The following DST variants were observed in gnomAD, a reference collection of about 807,000 sequenced individuals.
The protein encoded by DST is dystonin, also known as bullous pemphigoid antigen.
Under a neutral mutation model 875.2 loss-of-function variants are expected in DST, and 253 were observed. That is an observed-to-expected ratio of 0.29 (90% confidence interval 0.26 to 0.32). DST has a LOEUF of 0.32. Among genes scored for constraint, DST ranks in the 10% least tolerant of loss-of-function variants. The pLI is 1.00. For synonymous variants in DST, 3,124 were observed against 3,197.1 expected (o/e 0.98, Z 0.77); for missense variants, 8,287 against 9,111.6 (o/e 0.91, Z 3.68).
At position 56,648,618 on chromosome 6, in the gene DST, C is replaced by A; in HGVS notation, c.1506G>T (p.Val502=). The A allele has an allele frequency of 6.3e-7, 1 of 1,590,614 alleles. No individual in the cohort carries two copies. Among genetic ancestry groups the A allele is most frequent in the South Asian group, 1.1e-5 (1 of 87,296 alleles). Residue 502 remains valine (V), a synonymous_variant, in exon 13 of 104, where the codon GTG becomes GTT. Coordinates refer to ENST00000680361, the MANE Select transcript of DST (RefSeq NM_001374736.1). ...GAAATGTTCTCTCAGACATTGTGGT[C>A]ACATGGTGTCTAATCCATTGGATGA... is the stretch of plus-strand genomic sequence containing the variant. ...NYLIQWIRHH[V]TTMSERTFPN...
chr6:56,489,838 T>C (rs754196744), intron 85 of DST, among the ~76,000 whole-genome samples: 7 of 152,192 alleles, frequency 4.6e-5, no homozygotes, highest in African/African-American at 1.4e-4. Flanking sequence ...TTTTAATTCA[T>C]TCAACATATC....
chr6:56,489,751 T>C lies in DST; in HGVS notation c.20758-142A>G, dbSNP rs184319507. The stretch of plus-strand genomic sequence containing the variant: ...AAATTTCCACTGAAGAAGAAAAAAG[T>C]AATGCTTTCATCAGCAAATTACAAA... On this transcript the variant is annotated intron_variant, in intron 85 of 103. Coordinates refer to ENST00000680361, the MANE Select transcript of DST (RefSeq NM_001374736.1). 3.3e-3 allele frequency: 2,618 copies of C among 804,158 alleles called. 6 individuals carry two copies. Among genetic ancestry groups the C allele is most frequent in the Non-Finnish European group, 4.0e-3 (2,247 of 558,890 alleles). The allele number at this position is 804,158 out of a possible 1,614,324, so 49.8% of individuals were successfully genotyped here.
At chr6:56,592,468 C>T (rs1034785839) in intron 48 of DST, 110 bp from the exon 49 acceptor site, 10 of 907,044 alleles carry the variant, frequency 1.1e-5, no homozygotes, top group African/African-American at 1.7e-5. Flanking sequence ...AACCAGACTT[C>T]CACCAAAGTT....
At chr6:56,823,181 A>G (rs1358831477) in intron 4 of DST, among the ~76,000 whole-genome samples, 1 of 152,174 alleles carries the variant, frequency 6.6e-6, no homozygotes, top group African/African-American at 2.4e-5. Context: ...TGAGTTCCCA[A>G]CAAATTTCTA....
At chr6:56,693,097 T>C (rs1227581077) in intron 9 of DST, 2 of 1,289,434 alleles carry the variant, frequency 1.6e-6, no homozygotes, top group South Asian at 2.5e-5. Flanking sequence ...TTTGGCAGGA[T>C]CTACATATTG....
Position 56,704,313 on chromosome 6 carries a change from A to T in DST, c.744T>A (p.Ile248=). Residue 248 remains isoleucine, a synonymous_variant, in exon 6 of 104, where the codon ATT becomes ATA. Transcript: ENST00000680361. ...YEDLRDGHNL[I]SLLEVLSGDT... is the part of the protein sequence containing the mutation. ...CTCCTGAAAGAACCTCTAAAAGAGA[A>T]ATCAAATTGTGTCCATCCCTTAAGT... 6.4e-7 allele frequency: 1 copy of T among 1,572,980 alleles called. No individual in the cohort carries two copies.
rs183224402 is a variant in DST at position 56,819,280 on chromosome 6, G to A, written c.625+32117C>T. Among the ~76,000 whole-genome samples the A allele has an allele frequency of 7.2e-5, 11 of 152,212 alleles. 1 individual carries two copies. Among genetic ancestry groups the A allele is most frequent in the African/African-American group, 2.2e-4 (9 of 41,544 alleles). Reference sequence around the variant, plus strand: ...AAGAGATGGCAAACTGGGAAAAGCCGCAAAGGAAAAACATCAGTCTCTGAA... The same window carrying A: ...AAGAGATGGCAAACTGGGAAAAGCCACAAAGGAAAAACATCAGTCTCTGAA... On this transcript the variant is annotated intron_variant, in intron 4 of 103. Transcript: ENST00000680361.
chr6:56,772,161 A>T (rs1413128636), intron 4 of DST, among the ~76,000 whole-genome samples: 1 of 152,186 alleles, frequency 6.6e-6, no homozygotes, highest in African/African-American at 2.4e-5. Context: ...TAAAATAGGT[A>T]TATTTTTAGG....
rs1449114173 is a variant in DST at position 56,466,071 on chromosome 6, TC to T, written c.22687+6del. 4.4e-6 allele frequency: 7 copies of T among 1,597,854 alleles called. No homozygotes were observed. Among genetic ancestry groups the T allele is most frequent in the African/African-American group, 1.3e-5 (1 of 74,608 alleles). On this transcript the variant is annotated splice_donor_region_variant and intron_variant, in intron 99 of 103. Coordinates refer to ENST00000680361, the MANE Select transcript of DST (RefSeq NM_001374736.1). ...TCATGATGTTATCATGATAAGCATC[TC>T]CTTACCCCTGCAAGGATCATTTTTC...
intron 10 of DST, among the ~76,000 whole-genome samples, chr6:56,656,041 A>G (rs958333282): frequency 6.6e-6 from 1 of 152,236 alleles, no homozygotes; most frequent in East Asian, 1.9e-4. Context: ...GGACTGGGAC[A>G]TATCAGTGTT....
intron 40 of DST, 36 bp downstream of exon 40, chr6:56,603,801 C>A: frequency 6.3e-7 from 1 of 1,587,794 alleles, no homozygotes; most frequent in Non-Finnish European, 8.6e-7. Context: ...ATGGTTCATG[C>A]AGCTTTTTCT....
rs2095180073 is a variant in DST at position 56,476,137 on chromosome 6, T to C, written c.21864+12A>G. The C allele has an allele frequency of 1.3e-6, 2 of 1,589,338 alleles. No homozygotes were observed. The highest frequency in any genetic ancestry group is 1.7e-6 in the Non-Finnish European group (2 of 1,166,020). The stretch of plus-strand genomic sequence containing the variant: ...TAATGGTTAACAGGAGTTAGGATTA[T>C]ATTTATTTTACCTGGTGTTCTGCAA... On this transcript the variant is annotated intron_variant, in intron 92 of 103. Transcript: ENST00000680361.
At chr6:56,621,479 A>G (rs1473291098) in intron 36 of DST, among the ~76,000 whole-genome samples, 1 of 152,232 alleles carries the variant, frequency 6.6e-6, no homozygotes, top group Non-Finnish European at 1.5e-5. Flanking sequence ...GCTGTTGTTA[A>G]TAACATGCCT....
intron 82 of DST, among the ~76,000 whole-genome samples, chr6:56,496,789 A>G (rs1047447080): frequency 1.3e-5 from 2 of 152,164 alleles, no homozygotes; most frequent in African/African-American, 4.8e-5. Context: ...GATAGACTGG[A>G]TTAAGAAAAT....
At chr6:56,650,092 A>T (rs770765668) in intron 12 of DST, among the ~76,000 whole-genome samples, 2 of 152,168 alleles carry the variant, frequency 1.3e-5, no homozygotes, top group Non-Finnish European at 2.9e-5. Flanking sequence ...ATATGGAAAC[A>T]GGTCTAGAAA....
chr6:56,478,113 T>C (rs970867562), intron 90 of DST, among the ~76,000 whole-genome samples: 1 of 152,214 alleles, frequency 6.6e-6, no homozygotes, highest in Non-Finnish European at 1.5e-5. Context: ...GAGAATAGCA[T>C]TGGGAGAGAC....
Position 56,925,070 on chromosome 6 carries a change from C to A in DST, c.217-24449G>T, listed in dbSNP as rs1354427149. On this transcript the variant is annotated intron_variant, in intron 2 of 103. Coordinates refer to ENST00000680361, the MANE Select transcript of DST (RefSeq NM_001374736.1). The stretch of plus-strand genomic sequence containing the variant: ...ATGGGGAGGAGGGGGACACTGAGTT[C>A]TATATGTGGTCATTTGAGTTTAAAG... 2.6e-5 allele frequency among the ~76,000 whole-genome samples: 4 copies of A among 152,136 alleles called. No homozygotes were observed. The East Asian group carries it at 7.7e-4, about 29-fold the overall frequency.
At chr6:56,625,407 C>G in intron 34 of DST, 143 bp from the exon 35 acceptor site, 1 of 632,290 alleles carries the variant, frequency 1.6e-6, no homozygotes, top group Non-Finnish European at 2.8e-6. Context: ...AACCTAGATT[C>G]ATTAAATTAA....
At chr6:56,738,620 T>C (rs1029281763) in intron 4 of DST, among the ~76,000 whole-genome samples, 3 of 148,426 alleles carry the variant, frequency 2.0e-5, no homozygotes, top group African/African-American at 7.5e-5. Context: ...GAGTCTGGCC[T>C]GGTTTTATCT....
Sources: allele counts gnomAD v4.1 joint callset (sites outside exome capture counted in the v4.1 genomes callset), GRCh38; gene constraint gnomAD v4.1.1; transcripts MANE v1.5; gene names NCBI Gene and HGNC (gene_info 2026-07-23, HGNC 2026-07-21).